The following SYN3 variants were observed in gnomAD, a reference collection of about 807,000 sequenced individuals.
SYN3 encodes synapsin-3.
Under a neutral mutation model 65.8 loss-of-function variants are expected in SYN3, and 35 were observed. The ratio of observed to expected loss-of-function variants is 0.53; its 90% confidence interval spans 0.41 to 0.70. SYN3 has a LOEUF of 0.70. Ranked by LOEUF, SYN3 falls within the 30% of genes least tolerant of loss-of-function variation. The pLI is 0.00. For synonymous variants in SYN3, 270 were observed against 292.9 expected (o/e 0.92, Z 0.80); for missense variants, 680 against 749.0 (o/e 0.91, Z 1.08).
intron 6 of SYN3, among the ~76,000 whole-genome samples, chr22:32,826,423 G>A (rs1338369111): frequency 3.3e-5 from 5 of 151,808 alleles, no homozygotes; most frequent in Admixed American, 1.3e-4. Context: ...AGCAAACTCC[G>A]TCTCAAAAAT....
chr22:32,947,733 CA>C (rs1219777790), intron 3 of SYN3, among the ~76,000 whole-genome samples: 1 of 152,198 alleles, frequency 6.6e-6, no homozygotes, highest in African/African-American at 2.4e-5. Flanking sequence ...TATCATTCTA[CA>C]GCATATTAGT....
chr22:32,742,193 C>G (rs1305382674), intron 6 of SYN3, among the ~76,000 whole-genome samples: 1 of 152,184 alleles, frequency 6.6e-6, no homozygotes, highest in East Asian at 1.9e-4. Context: ...GGAGAATGGC[C>G]TGAACCCGGG....
chr22:32,836,490 A>G (rs758631763), intron 6 of SYN3, among the ~76,000 whole-genome samples: 25 of 152,162 alleles, frequency 1.6e-4, no homozygotes, highest in Non-Finnish European at 3.5e-4. Context: ...TTCTTTACTT[A>G]TTTATTTTAT....
chr22:32,691,511 T>C (rs1441916107), intron 6 of SYN3, among the ~76,000 whole-genome samples: 1 of 152,186 alleles, frequency 6.6e-6, no homozygotes, highest in East Asian at 1.9e-4. Flanking sequence ...GAGAAATAGA[T>C]GTTTGCCTTC....
intron 6 of SYN3, among the ~76,000 whole-genome samples, chr22:32,793,776 G>A (rs975339296): frequency 6.6e-6 from 1 of 152,220 alleles, no homozygotes; most frequent in Non-Finnish European, 1.5e-5. Context: ...TGGAAACAAG[G>A]TCATCTGTCT....
At chr22:32,593,953 A>G (rs879675863) in intron 7 of SYN3, among the ~76,000 whole-genome samples, 1 of 152,142 alleles carries the variant, frequency 6.6e-6, no homozygotes, top group Non-Finnish European at 1.5e-5. Flanking sequence ...AGAGGCCACT[A>G]TAAGGAGAGT....
At chr22:32,725,517 G>C (rs1005719895) in intron 6 of SYN3, among the ~76,000 whole-genome samples, 2 of 152,224 alleles carry the variant, frequency 1.3e-5, no homozygotes, top group African/African-American at 4.8e-5. Context: ...GAACGATCTT[G>C]AGATGGAGAG....
At chr22:32,710,857 C>T (rs950929884) in intron 6 of SYN3, among the ~76,000 whole-genome samples, 1 of 152,068 alleles carries the variant, frequency 6.6e-6, no homozygotes, top group African/African-American at 2.4e-5. Flanking sequence ...TTATAAATTA[C>T]TCCATTTCAG....
chr22:32,925,135 G>A (rs2050435662), intron 4 of SYN3, among the ~76,000 whole-genome samples: 1 of 152,134 alleles, frequency 6.6e-6, no homozygotes, highest in Admixed American at 6.5e-5. Flanking sequence ...TTCTTTCTGA[G>A]GGTTTGGCAG....
At chr22:32,806,666 G>T (rs1025740956) in intron 6 of SYN3, among the ~76,000 whole-genome samples, 1 of 152,150 alleles carries the variant, frequency 6.6e-6, no homozygotes. Context: ...ATAACAATTT[G>T]TACCATCTTG....
intron 7 of SYN3, among the ~76,000 whole-genome samples, chr22:32,587,593 C>T (rs1193406057): frequency 6.6e-6 from 1 of 152,152 alleles, no homozygotes; most frequent in East Asian, 1.9e-4. Context: ...TCTTCATCAC[C>T]GTGTTACTGG....
chr22:32,844,208 G>A (rs1298462179), intron 6 of SYN3, among the ~76,000 whole-genome samples: 1 of 152,130 alleles, frequency 6.6e-6, no homozygotes, highest in East Asian at 1.9e-4. Flanking sequence ...GTTGGATGGG[G>A]GATAGAAGCA....
chr22:32,992,119 ACT>A (rs1569386561), intron 2 of SYN3, among the ~76,000 whole-genome samples: 1 of 152,212 alleles, frequency 6.6e-6, no homozygotes, highest in East Asian at 1.9e-4. Flanking sequence ...AGAAAACACG[ACT>A]CACAAGTGAA....
At chr22:32,594,213 T>TG (rs2059166254) in intron 7 of SYN3, among the ~76,000 whole-genome samples, 1 of 151,910 alleles carries the variant, frequency 6.6e-6, no homozygotes, top group African/African-American at 2.4e-5. Context: ...AAGCAAGAAG[T>TG]GGGGCAGGGG....
intron 6 of SYN3, among the ~76,000 whole-genome samples, chr22:32,751,995 C>T (rs192299620): frequency 1.3e-5 from 2 of 152,278 alleles, no homozygotes; most frequent in Non-Finnish European, 1.5e-5. Flanking sequence ...CTAGGTTGTT[C>T]GTTTATTATC....
In SYN3 at chr22:32,865,004, A is replaced by T. The variant is rs2048652981; in HGVS notation, c.622T>A (p.Phe208Ile). 1 of 1,612,366 alleles carries T rather than the reference A, an allele frequency of 6.2e-7. No individual in the cohort carries two copies. Among genetic ancestry groups the T allele is most frequent in the South Asian group, 1.1e-5 (1 of 91,042 alleles). Reference sequence around the variant, plus strand: ...TGGAAGATCTTAATGAGCTGAGAGAACTAGGATAGAAGAGGAGAGAACATT... The same window carrying T: ...TGGAAGATCTTAATGAGCTGAGAGATCTAGGATAGAAGAGGAGAGAACATT... ...VYNFCSKPWV[F>I]SQLIKIFHSL... The change falls in exon 6 of 14, where the codon TTC becomes ATC. Residue 208 changes from phenylalanine to isoleucine, a missense_variant and splice_region_variant. By Grantham distance (21) the Phe-to-Ile change is conservative (BLOSUM62 0). Transcript: ENST00000358763.
rs569655309 is a variant in SYN3, at chr22:32,620,939, C to T, written c.712-24203G>A. Among the ~76,000 whole-genome samples the T allele has an allele frequency of 4.4e-4, 55 of 126,236 alleles. No homozygotes were observed. In the South Asian group the frequency reaches 0.013, roughly 31 times the overall value. The allele number at this position is 126,236 out of a possible 152,430, so 82.8% of individuals were successfully genotyped here. A position where few individuals can be genotyped will look rare whatever the true frequency, so the allele number is the denominator to read the frequency against. On this transcript the variant is annotated intron_variant, in intron 6 of 13. Transcript: ENST00000358763. ...TTCACCATATTGGCCAGGCTGGTCT[C>T]GAACTCCTGACCTCATGATCCACCC...
At chr22:32,936,669 A>G (rs2050785503) in intron 3 of SYN3, among the ~76,000 whole-genome samples, 1 of 152,220 alleles carries the variant, frequency 6.6e-6, no homozygotes, top group African/African-American at 2.4e-5. Context: ...CTCACCAGCT[A>G]GAGGGTAAAG....
chr22:32,643,625 A>T (rs1051411675), intron 6 of SYN3, among the ~76,000 whole-genome samples: 1 of 150,714 alleles, frequency 6.6e-6, no homozygotes, highest in Non-Finnish European at 1.5e-5. Flanking sequence ...AAAGAGTTAT[A>T]GTAGAAATAA....
Sources: allele counts gnomAD v4.1 joint callset (sites outside exome capture counted in the v4.1 genomes callset), GRCh38; gene constraint gnomAD v4.1.1; transcripts MANE v1.5; gene names NCBI Gene and HGNC (gene_info 2026-07-23, HGNC 2026-07-21).